SOHLH2: variants seen among roughly 807,000 people sequenced by gnomAD.
SOHLH2 encodes spermatogenesis- and oogenesis-specific basic helix-loop-helix-containing protein 2.
A neutral mutation model predicts 50.4 loss-of-function variants in SOHLH2; 22 were observed. That is an observed-to-expected ratio of 0.44 (90% CI 0.31 to 0.62). The LOEUF is 0.62. Ranked by LOEUF, SOHLH2 falls within the 20% of genes least tolerant of loss-of-function variation. The pLI, the probability that SOHLH2 is intolerant of heterozygous loss-of-function variation, is 0.08. For synonymous variants in SOHLH2, 185 were observed against 187.3 expected, an observed-to-expected ratio of 0.99 and a Z score of 0.10; for missense variants, 412 against 504.4, an observed-to-expected ratio of 0.82 and a Z score of 1.76.
intron 9 of SOHLH2, among the ~76,000 whole-genome samples, chr13:36,171,120 T>C (rs980396524): frequency 2.6e-5 from 4 of 152,196 alleles, no homozygotes; most frequent in African/African-American, 9.7e-5. Flanking sequence ...AACAACTCCA[T>C]TCAGCAGAAT....
At chr13:36,201,802 C>G (rs771645017) in intron 2 of SOHLH2, 77 bp downstream of exon 2, 132 of 1,557,814 alleles carry the variant, frequency 8.5e-5, no homozygotes, top group Non-Finnish European at 1.1e-4. Flanking sequence ...AATATATCAT[C>G]TTTTTAGGAG....
At chr13:36,182,687 G>T (rs573181101) in intron 6 of SOHLH2, 11 of 152,314 alleles carry the variant, frequency 7.2e-5, no homozygotes, top group African/African-American at 2.6e-4. Flanking sequence ...GAGTGCCATG[G>T]TTAACACCAC....
intron 2 of SOHLH2, among the ~76,000 whole-genome samples, chr13:36,200,693 C>G (rs1887873371): frequency 6.6e-6 from 1 of 152,098 alleles, no homozygotes; most frequent in African/African-American, 2.4e-5. Flanking sequence ...TCCTAAGTGG[C>G]AGGGAAGAAT....
At chr13:36,194,014 T>C (rs1887650809) in intron 2 of SOHLH2, 147 bp from the exon 3 acceptor site, 3 of 684,408 alleles carry the variant, frequency 4.4e-6, no homozygotes, top group Non-Finnish European at 4.4e-6. Flanking sequence ...GGAAATTTAG[T>C]AAAAGTAGCA....
intron 1 of SOHLH2, among the ~76,000 whole-genome samples, chr13:36,214,226 C>A (rs1869295272): frequency 2.0e-5 from 3 of 152,290 alleles, no homozygotes; most frequent in Admixed American, 2.0e-4. Context: ...AGCCCCGTCC[C>A]CCAACCTCAG....
At chr13:36,197,219 G>T (rs1225127992) in intron 2 of SOHLH2, among the ~76,000 whole-genome samples, 1 of 152,090 alleles carries the variant, frequency 6.6e-6, no homozygotes, top group African/African-American at 2.4e-5. Flanking sequence ...CGATTACGCT[G>T]TTTAAATGTC....
rs1376069461 is a variant in SOHLH2, at chr13:36,193,730, G to T, written c.326-5C>A. The T allele has an allele frequency of 1.9e-6, 3 of 1,606,898 alleles. No homozygotes were observed. Among genetic ancestry groups the T allele is most frequent in the Non-Finnish European group, 2.5e-6 (3 of 1,178,320 alleles). On this transcript the variant is annotated splice_polypyrimidine_tract_variant and splice_region_variant and intron_variant, in intron 3 of 10. Coordinates refer to ENST00000379881, the MANE Select transcript of SOHLH2 (RefSeq NM_017826.3). ...TTCCATGCCCTGAAATACAACCTAAGAATCTTTATATTAAATATTGACCTT... is the reference window on the plus strand; with the variant it reads ...TTCCATGCCCTGAAATACAACCTAATAATCTTTATATTAAATATTGACCTT...
Position 36,191,881 on chromosome 13 carries a change from G to A in SOHLH2, c.444C>T (p.Asn148=), listed in dbSNP as rs11843248. 240 of 1,613,840 alleles carry A rather than the reference G, an allele frequency of 1.5e-4. 1 individual carries two copies. The African/African-American group carries it at 2.3e-3, about 16-fold the overall frequency. The change falls in exon 5 of 11, where the codon AAC becomes AAT. Residue 148 remains asparagine (N), a synonymous_variant. Coordinates refer to ENST00000379881, the MANE Select transcript of SOHLH2 (RefSeq NM_017826.3). The part of the protein sequence containing the change: ...TCPSNTVKTE[N]ATGPEELGLP... ...ATCCAAGTTCTTCAGGCCCAGTTGC[G>A]TTTTCAGTCTTAACTGAAAGTTTTG...
intron 2 of SOHLH2, among the ~76,000 whole-genome samples, chr13:36,200,579 A>G (rs915841099): frequency 2.0e-5 from 3 of 152,210 alleles, no homozygotes; most frequent in African/African-American, 7.2e-5. Flanking sequence ...TGTAATGCAG[A>G]GAAGCTCTCA....
Position 36,179,715 on chromosome 13 carries a change from A to G in SOHLH2, c.642-4846T>C, listed in dbSNP as rs187219289. ...GGTATGAGCCACCATGCCAAGCCCAATTGGTTGATTTTTGAATGTCATACC... is the reference window on the plus strand; with the variant it reads ...GGTATGAGCCACCATGCCAAGCCCAGTTGGTTGATTTTTGAATGTCATACC... On this transcript the variant is annotated intron_variant, in intron 6 of 10. Transcript: ENST00000379881. Among the ~76,000 whole-genome samples, 19 of 152,160 alleles carry G rather than the reference A, an allele frequency of 1.2e-4. 1 individual carries two copies. The highest frequency in any genetic ancestry group is 7.9e-4 in the Admixed American group (12 of 15,268).
rs562878646 is a variant in SOHLH2 at position 36,172,332 on chromosome 13, A to G, written c.1000+1360T>C. Among the ~76,000 whole-genome samples the G allele has an allele frequency of 2.0e-5, 3 of 152,286 alleles. No individual in the cohort carries two copies. In the South Asian group the frequency reaches 6.2e-4, roughly 32 times the overall value. ...TAATCTAAGCTGATTTAATCATTCC[A>G]TGTCACATTCAGCCACTGCTACTTA... is the stretch of plus-strand genomic sequence containing the variant. On this transcript the variant is annotated intron_variant, in intron 9 of 10. Coordinates refer to ENST00000379881, the MANE Select transcript of SOHLH2 (RefSeq NM_017826.3).
At chr13:36,194,337 G>A (rs1467269821) in intron 2 of SOHLH2, among the ~76,000 whole-genome samples, 1 of 152,082 alleles carries the variant, frequency 6.6e-6, no homozygotes. Context: ...AATGCTAATG[G>A]GATATTTGAC....
At chr13:36,178,741 A>T (rs1469864359) in intron 6 of SOHLH2, among the ~76,000 whole-genome samples, 3 of 152,066 alleles carry the variant, frequency 2.0e-5, no homozygotes, top group Non-Finnish European at 4.4e-5. Flanking sequence ...TTCAATTCAT[A>T]ATTATGGTAT....
Position 36,174,579 on chromosome 13 carries a change from A to G in SOHLH2, c.790-12T>C. On this transcript the variant is annotated splice_polypyrimidine_tract_variant and intron_variant, in intron 7 of 10. Transcript: ENST00000379881. ...AGTGCTTCTGTAATCTAAAAAACAC[A>G]GAAATATATTTAGGTAGATACCGAC... 6.2e-7 allele frequency: 1 copy of G among 1,613,918 alleles called. No homozygotes were observed. The highest frequency in any genetic ancestry group is 8.5e-7 in the Non-Finnish European group (1 of 1,179,974).
At chr13:36,197,856 G>T (rs993747448) in intron 2 of SOHLH2, among the ~76,000 whole-genome samples, 2 of 152,328 alleles carry the variant, frequency 1.3e-5, no homozygotes, top group African/African-American at 4.8e-5. Flanking sequence ...AAGACCTGGA[G>T]TTGTCTTCAG....
chr13:36,202,574 AAT>A (rs1302582779), intron 1 of SOHLH2, among the ~76,000 whole-genome samples: 6 of 152,228 alleles, frequency 3.9e-5, no homozygotes, highest in Non-Finnish European at 8.8e-5. Flanking sequence ...CTTTCAATGG[AAT>A]ATATGTGCTA....
At chr13:36,193,561 G>A (rs1887637937) in intron 4 of SOHLH2, 60 bp downstream of exon 4, 14 of 1,511,580 alleles carry the variant, frequency 9.3e-6, no homozygotes, top group South Asian at 1.3e-5. Context: ...CAGAATATAT[G>A]AGCAGAGTTT....
chr13:36,193,605 G>C lies in SOHLH2; in HGVS notation c.430+16C>G. The C allele has an allele frequency of 6.3e-7, 1 of 1,575,510 alleles. No homozygotes were observed. The stretch of plus-strand genomic sequence containing the variant: ...TTTAATTCAAATTTTGAAACCTTTG[G>C]AAATTTTTTACTCACCAGTGTTTGA... On this transcript the variant is annotated intron_variant, in intron 4 of 10. Transcript: ENST00000379881.
chr13:36,190,513 T>C (rs919178041), intron 5 of SOHLH2, among the ~76,000 whole-genome samples: 1 of 152,238 alleles, frequency 6.6e-6, no homozygotes, highest in Non-Finnish European at 1.5e-5. Context: ...GGACATTTTC[T>C]GGCTCTACTA....
Sources: gnomAD v4.1 joint callset for allele counts (sites outside exome capture counted in the v4.1 genomes callset) on GRCh38, gnomAD v4.1.1 for gene constraint, MANE v1.5 for transcripts, NCBI Gene and HGNC (gene_info 2026-07-23, HGNC 2026-07-21) for gene names.